TMOD3: variants seen among roughly 807,000 people sequenced by gnomAD.
TMOD3 encodes the protein tropomodulin-3.
In TMOD3, 20 loss-of-function variants were observed where a neutral mutation model predicts 39.2. The ratio of observed to expected loss-of-function variants is 0.51; its 90% CI spans 0.36 to 0.74. The LOEUF (loss-of-function observed/expected upper bound fraction) is 0.74, where lower values mean the gene tolerates loss of function less well. Among genes scored for constraint, TMOD3 ranks in the 30% least tolerant of loss-of-function variants. The pLI is 0.00. For synonymous variants in TMOD3, 143 were observed against 145.8 expected (o/e 0.98, Z 0.14); for missense variants, 381 against 412.8 (o/e 0.92, Z 0.67).
chr15:51,842,823 C>G (rs2056318846), intron 1 of TMOD3, among the ~76,000 whole-genome samples: 1 of 152,162 alleles, frequency 6.6e-6, no homozygotes, highest in South Asian at 2.1e-4. Flanking sequence ...GGCCTTGTGC[C>G]TCTTGAAAAA....
intron 1 of TMOD3, among the ~76,000 whole-genome samples, chr15:51,847,602 T>A (rs373337919): frequency 8.5e-5 from 13 of 152,146 alleles, no homozygotes; most frequent in African/African-American, 1.9e-4. Flanking sequence ...AAAGGATAAA[T>A]TTAGCATCCA....
chr15:51,837,138 C>G (rs1328654778), intron 1 of TMOD3, among the ~76,000 whole-genome samples: 1 of 152,024 alleles, frequency 6.6e-6, no homozygotes, highest in Non-Finnish European at 1.5e-5. Flanking sequence ...CATAGCAATT[C>G]TTTTGAGCAG....
chr15:51,906,484 G>T (rs2056681360), intron 9 of TMOD3, among the ~76,000 whole-genome samples: 1 of 152,182 alleles, frequency 6.6e-6, no homozygotes, highest in Non-Finnish European at 1.5e-5. Context: ...CAGCTAAGAA[G>T]TGTCACAGCT....
intron 9 of TMOD3, among the ~76,000 whole-genome samples, chr15:51,902,656 T>G (rs1265301772): frequency 3.9e-5 from 5 of 127,192 alleles, no homozygotes; most frequent in East Asian, 2.4e-4. Flanking sequence ...TTTTTTTTTT[T>G]TTTTTTTTTT....
chr15:51,862,714 G>A, intron 1 of TMOD3, 97 bp from the exon 2 acceptor site: 1 of 475,618 alleles, frequency 2.1e-6, no homozygotes, highest in Non-Finnish European at 3.5e-6. Context: ...AAGAATATAT[G>A]ACACATGGAA....
intron 9 of TMOD3, among the ~76,000 whole-genome samples, chr15:51,903,194 T>G (rs947018358): frequency 6.6e-6 from 1 of 152,234 alleles, no homozygotes; most frequent in African/African-American, 2.4e-5. Flanking sequence ...TCTCTCATTC[T>G]CCTATGGTTC....
In TMOD3 at chr15:51,882,136, C is replaced by T. The variant is rs147961560; in HGVS notation, c.284-5453C>T. Among the ~76,000 whole-genome samples, 407 of 151,822 alleles carry T rather than the reference C, an allele frequency of 2.7e-3. 6 individuals carry two copies. The highest frequency in any genetic ancestry group is 9.3e-3 in the African/African-American group (387 of 41,448). ...TCTCGATCTCCTAACCTCAGGTGATCCATCCGCCTCCGCCTCCCAACGTGC... is the reference window on the plus strand; with the variant it reads ...TCTCGATCTCCTAACCTCAGGTGATTCATCCGCCTCCGCCTCCCAACGTGC... On this transcript the variant is annotated intron_variant, in intron 3 of 9. Coordinates refer to ENST00000308580, the MANE Select transcript of TMOD3 (RefSeq NM_014547.5).
chr15:51,876,012 C>T (rs2056501293), intron 3 of TMOD3, among the ~76,000 whole-genome samples: 1 of 152,122 alleles, frequency 6.6e-6, no homozygotes, highest in Non-Finnish European at 1.5e-5. Flanking sequence ...TGAATTGTCC[C>T]TTTTGTTATA....
chr15:51,872,380 C>G (rs1002312288), intron 3 of TMOD3, among the ~76,000 whole-genome samples: 1 of 151,492 alleles, frequency 6.6e-6, no homozygotes, highest in Non-Finnish European at 1.5e-5. Flanking sequence ...GCGACAGAGT[C>G]GAGACCCTGT....
rs745916866 is a variant in TMOD3 at position 51,902,055 on chromosome 15, C to G, written c.1024+19C>G. On this transcript the variant is annotated intron_variant, in intron 9 of 9. Coordinates refer to ENST00000308580, the MANE Select transcript of TMOD3 (RefSeq NM_014547.5). ...GACTTAGGTAAGACATAGTATCGAT[C>G]AAGTTTCTGAGTTCTATCACAAGCT... The G allele has an allele frequency of 8.7e-6, 14 of 1,610,962 alleles. No homozygotes were observed. Among genetic ancestry groups the G allele is most frequent in the Non-Finnish European group, 1.2e-5 (14 of 1,179,350 alleles).
At chr15:51,878,116 C>G (rs2056514200) in intron 3 of TMOD3, among the ~76,000 whole-genome samples, 1 of 152,246 alleles carries the variant, frequency 6.6e-6, no homozygotes, top group Admixed American at 6.5e-5. Flanking sequence ...ATTTCTGCTC[C>G]CTGATCTGCA....
intron 9 of TMOD3, among the ~76,000 whole-genome samples, chr15:51,906,069 A>AACAAGT (rs1364263830): frequency 1.3e-5 from 2 of 152,118 alleles, no homozygotes; most frequent in Non-Finnish European, 2.9e-5. Flanking sequence ...GCTGGAAGGT[A>AACAAGT]ACAAGTGAGC....
chr15:51,873,059 C>T (rs1396641770), intron 3 of TMOD3, among the ~76,000 whole-genome samples: 1 of 152,194 alleles, frequency 6.6e-6, no homozygotes, highest in African/African-American at 2.4e-5. Flanking sequence ...CAAAAAGCCA[C>T]CTCTAATGTT....
At chr15:51,864,524 ATTAC>A (rs2056435450) in intron 2 of TMOD3, among the ~76,000 whole-genome samples, 1 of 152,224 alleles carries the variant, frequency 6.6e-6, no homozygotes, top group South Asian at 2.1e-4. Context: ...AGAAGAGTTT[ATTAC>A]TTACAGTTCC....
At chr15:51,865,484 G>A (rs747840653) in intron 2 of TMOD3, among the ~76,000 whole-genome samples, 1 of 152,100 alleles carries the variant, frequency 6.6e-6, no homozygotes, top group Non-Finnish European at 1.5e-5. Context: ...CATGCACTAT[G>A]GTATCAGTCT....
intron 6 of TMOD3, among the ~76,000 whole-genome samples, chr15:51,894,380 C>A (rs2056610569): frequency 6.6e-6 from 1 of 152,110 alleles, no homozygotes; most frequent in Non-Finnish European, 1.5e-5. Context: ...GTGAGACCTG[C>A]CACTGTCCCA....
intron 3 of TMOD3, among the ~76,000 whole-genome samples, chr15:51,879,586 G>T (rs1217161270): frequency 1.3e-5 from 2 of 150,960 alleles, no homozygotes; most frequent in African/African-American, 4.9e-5. Context: ...TTTTATTTTT[G>T]ACCATATTTC....
chr15:51,890,075 C>T (rs2056584534), intron 5 of TMOD3, among the ~76,000 whole-genome samples: 1 of 151,882 alleles, frequency 6.6e-6, no homozygotes, highest in Non-Finnish European at 1.5e-5. Flanking sequence ...CTAATGTATA[C>T]ATATTATACA....
At chr15:51,839,557 A>G (rs2044180544) in intron 1 of TMOD3, among the ~76,000 whole-genome samples, 1 of 145,164 alleles carries the variant, frequency 6.9e-6, no homozygotes, top group Non-Finnish European at 1.5e-5. Flanking sequence ...ATTCAGAGCA[A>G]TTTTTTTTTT....
Sources: gnomAD v4.1 joint callset for allele counts (sites outside exome capture counted in the v4.1 genomes callset) on GRCh38, gnomAD v4.1.1 for gene constraint, MANE v1.5 for transcripts, NCBI Gene and HGNC (gene_info 2026-07-23, HGNC 2026-07-21) for gene names.